IPCEF1: variants seen among roughly 807,000 people sequenced by gnomAD.
IPCEF1 encodes the protein interaction protein for cytohesin exchange factors 1.
A neutral mutation model predicts 50.9 loss-of-function variants in IPCEF1; 31 were observed. That is an observed-to-expected ratio of 0.61 (90% CI 0.46 to 0.82). IPCEF1 has a LOEUF of 0.82. Ranked by LOEUF, IPCEF1 falls within the 40% of genes least tolerant of loss-of-function variation. The pLI, the probability that IPCEF1 is intolerant of heterozygous loss-of-function variation, is 0.00. For synonymous variants in IPCEF1, 181 were observed against 192.0 expected (o/e 0.94, Z 0.47); for missense variants, 458 against 514.0 (o/e 0.89, Z 1.05).
intron 1 of IPCEF1, among the ~76,000 whole-genome samples, chr6:154,292,726 AT>A (rs1382933233): frequency 1.3e-5 from 2 of 152,182 alleles, no homozygotes; most frequent in East Asian, 1.9e-4. Flanking sequence ...TTATCTAAAC[AT>A]TTTTTCAACC....
chr6:154,262,743 T>C (rs1173292770), intron 3 of IPCEF1, among the ~76,000 whole-genome samples: 1 of 150,200 alleles, frequency 6.7e-6, no homozygotes, highest in Non-Finnish European at 1.5e-5. Flanking sequence ...TTGTTCCAAA[T>C]AGTACATATA....
At chr6:154,354,447 C>CACCCCCTCCACCATCTCCTCCACA (rs1784175035) in intron 1 of IPCEF1, among the ~76,000 whole-genome samples, 1 of 126,200 alleles carries the variant, frequency 7.9e-6, no homozygotes, top group African/African-American at 2.7e-5. Context: ...TCTCCTCCAC[C>CACCCCCTCCACCATCTCCTCCACA]ACCACCTCCA....
chr6:154,217,537 C>CA (rs1303621241), intron 7 of IPCEF1: 1 of 151,656 alleles, frequency 6.6e-6, no homozygotes, highest in Non-Finnish European at 1.5e-5. Context: ...CACACACACA[C>CA]AAAAAAAGTG....
intron 3 of IPCEF1, among the ~76,000 whole-genome samples, chr6:154,256,982 G>C (rs1050655406): frequency 6.6e-6 from 1 of 152,278 alleles, no homozygotes; most frequent in African/African-American, 2.4e-5. Context: ...GTTTAAGGCA[G>C]GCTATGCTAA....
chr6:154,332,653 A>G (rs1351143946), intron 1 of IPCEF1, among the ~76,000 whole-genome samples: 1 of 152,190 alleles, frequency 6.6e-6, no homozygotes, highest in Non-Finnish European at 1.5e-5. Context: ...ATGCTAATTA[A>G]GAGTGCTCTC....
intron 1 of IPCEF1, among the ~76,000 whole-genome samples, chr6:154,332,286 TG>T (rs1361932316): frequency 7.4e-5 from 4 of 54,058 alleles, no homozygotes; most frequent in Non-Finnish European, 1.1e-4. Flanking sequence ...TGTGTGTGAG[TG>T]GTTTTTTTTT....
intron 9 of IPCEF1, 66 bp from the exon 10 acceptor site, chr6:154,200,106 C>T: frequency 7.0e-7 from 1 of 1,419,028 alleles, no homozygotes; most frequent in Admixed American, 2.5e-5. Context: ...CATTCTCTAC[C>T]TTTTATTTTC....
intron 1 of IPCEF1, among the ~76,000 whole-genome samples, chr6:154,330,805 A>G (rs944269713): frequency 2.0e-5 from 3 of 152,214 alleles, no homozygotes; most frequent in Non-Finnish European, 4.4e-5. Flanking sequence ...TTCAAGAGGC[A>G]AAATAGTCTG....
At chr6:154,327,070 T>C (rs1370131622) in intron 1 of IPCEF1, among the ~76,000 whole-genome samples, 1 of 152,170 alleles carries the variant, frequency 6.6e-6, no homozygotes, top group Non-Finnish European at 1.5e-5. Context: ...TAACTTAATA[T>C]AGATTGAAGA....
chr6:154,178,714 C>T (rs927808028), intron 10 of IPCEF1, among the ~76,000 whole-genome samples: 2 of 151,952 alleles, frequency 1.3e-5, no homozygotes, highest in African/African-American at 4.8e-5. Flanking sequence ...TAAATTAATC[C>T]AAAAATGAGA....
At chr6:154,160,102 A>G in intron 11 of IPCEF1, 62 bp from the exon 12 acceptor site, 1 of 1,266,916 alleles carries the variant, frequency 7.9e-7, no homozygotes, top group Non-Finnish European at 1.1e-6. Flanking sequence ...TACATAAACC[A>G]TCTTTACCAA....
At chr6:154,325,896 T>C (rs1387164193) in intron 1 of IPCEF1, among the ~76,000 whole-genome samples, 1 of 152,212 alleles carries the variant, frequency 6.6e-6, no homozygotes, top group Non-Finnish European at 1.5e-5. Flanking sequence ...AAGAGGTTTG[T>C]TGTTCAAGCC....
At chr6:154,247,970 C>T (rs542599987) in intron 3 of IPCEF1, among the ~76,000 whole-genome samples, 1 of 152,278 alleles carries the variant, frequency 6.6e-6, no homozygotes, top group Admixed American at 6.5e-5. Flanking sequence ...CCTGCTACCA[C>T]GTAGGGTTAG....
chr6:154,256,271 TTCTTA>T (rs1407847269), intron 3 of IPCEF1, among the ~76,000 whole-genome samples: 1 of 152,136 alleles, frequency 6.6e-6, no homozygotes, highest in African/African-American at 2.4e-5. Context: ...CTCTGGTCTC[TTCTTA>T]TAAGGGCACA....
intron 1 of IPCEF1, among the ~76,000 whole-genome samples, chr6:154,308,797 T>C (rs1031563145): frequency 1.3e-5 from 2 of 152,248 alleles, no homozygotes; most frequent in African/African-American, 4.8e-5. Context: ...GCATTTGTAA[T>C]TTCTAGATTC....
At chr6:154,342,903 A>G (rs1339093883) in intron 1 of IPCEF1, among the ~76,000 whole-genome samples, 1 of 152,198 alleles carries the variant, frequency 6.6e-6, no homozygotes, top group African/African-American at 2.4e-5. Context: ...ACCTGAGTCC[A>G]GGAGTTTAAG....
At chr6:154,303,767 T>TA (rs965126940) in intron 1 of IPCEF1, among the ~76,000 whole-genome samples, 1 of 151,838 alleles carries the variant, frequency 6.6e-6, no homozygotes, top group African/African-American at 2.4e-5. Context: ...GCAAAAAAAT[T>TA]AAAAAATTAA....
intron 5 of IPCEF1, among the ~76,000 whole-genome samples, chr6:154,224,191 A>G (rs1192818279): frequency 1.3e-5 from 2 of 152,216 alleles, no homozygotes; most frequent in African/African-American, 4.8e-5. Context: ...TTGAAAATAC[A>G]ATCTTAATTT....
intron 1 of IPCEF1, among the ~76,000 whole-genome samples, chr6:154,355,639 C>T (rs1334689555): frequency 1.3e-5 from 2 of 151,956 alleles, no homozygotes; most frequent in Non-Finnish European, 2.9e-5. Flanking sequence ...CAGGTGCATG[C>T]TCCCACGCCC....
Sources: gnomAD v4.1 joint callset for allele counts (sites outside exome capture counted in the v4.1 genomes callset) on GRCh38, gnomAD v4.1.1 for gene constraint, MANE v1.5 for transcripts, NCBI Gene and HGNC (gene_info 2026-07-23, HGNC 2026-07-21) for gene names.